Variants in TMPRSS15 observed in about 807,000 individuals in gnomAD.
The protein encoded by TMPRSS15 is enteropeptidase.
In TMPRSS15, 128 loss-of-function variants were observed where a neutral mutation model predicts 125.3. That is an observed-to-expected ratio of 1.02 (90% CI 0.89 to 1.18). The LOEUF (loss-of-function observed/expected upper bound fraction) is 1.18, where lower values mean the gene tolerates loss of function less well. Ranked by LOEUF, TMPRSS15 falls within the 50% of genes most tolerant of loss-of-function variation. The pLI is 0.00. For synonymous variants in TMPRSS15, 446 were observed against 423.2 expected (o/e 1.05, Z -0.66); for missense variants, 1,283 against 1,212.7 (o/e 1.06, Z -0.86).
chr21:18,356,727 C>T (rs1279273412), intron 8 of TMPRSS15, among the ~76,000 whole-genome samples: 1 of 151,758 alleles, frequency 6.6e-6, no homozygotes, highest in Non-Finnish European at 1.5e-5. Flanking sequence ...AATAAAAGCA[C>T]AAAATGTGTT....
chr21:18,484,530 A>T (rs550753826), intron 1 of TMPRSS15, among the ~76,000 whole-genome samples: 8 of 151,842 alleles, frequency 5.3e-5, no homozygotes, highest in South Asian at 2.1e-4. Flanking sequence ...TAAAAAAAAA[A>T]TTTTTATTCA....
Position 18,411,350 on chromosome 21 carries a change from T to C in TMPRSS15, c.11-13021A>G, listed in dbSNP as rs148950413. On this transcript the variant is annotated intron_variant, in intron 1 of 7. Coordinates refer to the TMPRSS15 transcript ENST00000422787. ...GCATTTTGTTAAAACTTTTTTTTTT[T>C]TGAGCTTCAGTTTTCTACTTTAGAG... Among the ~76,000 whole-genome samples the C allele has an allele frequency of 9.0e-3, 1,366 of 152,272 alleles. 27 individuals are homozygous for C. The highest frequency in any genetic ancestry group is 0.032 in the African/African-American group (1,319 of 41,558).
At chr21:18,309,303 C>T (rs979296367) in intron 18 of TMPRSS15, among the ~76,000 whole-genome samples, 22 of 152,116 alleles carry the variant, frequency 1.4e-4, no homozygotes, top group African/African-American at 5.3e-4. Context: ...CCACAAAAAC[C>T]CTAGGAGAAA....
intron 1 of TMPRSS15, among the ~76,000 whole-genome samples, chr21:18,432,001 G>C (rs1408970484): frequency 1.3e-5 from 2 of 152,052 alleles, no homozygotes; most frequent in African/African-American, 4.8e-5. Flanking sequence ...AATATTCAAG[G>C]AATTTTAATA....
chr21:18,456,421 T>C (rs910394878), intron 1 of TMPRSS15, among the ~76,000 whole-genome samples: 1 of 152,174 alleles, frequency 6.6e-6, no homozygotes, highest in Non-Finnish European at 1.5e-5. Flanking sequence ...TTCATGTTAA[T>C]TAAACACATA....
At chr21:18,440,031 C>CAAGG (rs1386209287) in intron 1 of TMPRSS15, among the ~76,000 whole-genome samples, 1 of 152,094 alleles carries the variant, frequency 6.6e-6, no homozygotes, top group Non-Finnish European at 1.5e-5. Context: ...GCAAAATTCT[C>CAAGG]AAGGAAAGTT....
At chr21:18,472,455 T>TTA (rs34604020) in intron 1 of TMPRSS15, among the ~76,000 whole-genome samples, 2,198 of 143,130 alleles carry the variant, frequency 0.015, 36 homozygotes, top group African/African-American at 0.04. Context: ...GCTAAAAGAA[T>TTA]TATATATATA....
At chr21:18,469,978 A>G (rs964930802) in intron 1 of TMPRSS15, among the ~76,000 whole-genome samples, 1 of 152,108 alleles carries the variant, frequency 6.6e-6, no homozygotes, top group Non-Finnish European at 1.5e-5. Context: ...AACCTTTGGT[A>G]AATTTCATAA....
intron 1 of TMPRSS15, among the ~76,000 whole-genome samples, chr21:18,433,811 G>T (rs974668854): frequency 1.3e-5 from 2 of 151,914 alleles, no homozygotes; most frequent in Admixed American, 6.6e-5. Flanking sequence ...ATGTTATGAT[G>T]AGTAGTTTGT....
At chr21:18,370,549 T>C (rs1342373801) in intron 6 of TMPRSS15, among the ~76,000 whole-genome samples, 1 of 152,186 alleles carries the variant, frequency 6.6e-6, no homozygotes, top group Non-Finnish European at 1.5e-5. Context: ...GGAAAATGCC[T>C]GAAAGCCACA....
intron 17 of TMPRSS15, 72 bp from the exon 18 acceptor site, chr21:18,313,149 A>G: frequency 9.7e-7 from 1 of 1,029,098 alleles, no homozygotes; most frequent in Non-Finnish European, 1.5e-6. Context: ...ACATCGTTCA[A>G]AGAGTACAGA....
intron 21 of TMPRSS15, among the ~76,000 whole-genome samples, chr21:18,283,551 AATT>A (rs1315559984): frequency 6.6e-6 from 1 of 151,654 alleles, no homozygotes; most frequent in African/African-American, 2.4e-5. Flanking sequence ...TATGTATATA[AATT>A]ATCTATATAA....
At chr21:18,472,480 T>TATATATATATATATACACAC (rs1491127013) in intron 1 of TMPRSS15, among the ~76,000 whole-genome samples, 4 of 112,330 alleles carry the variant, frequency 3.6e-5, no homozygotes, top group African/African-American at 1.2e-4. Context: ...TATATATATA[T>TATATATATATATATACACAC]ACACACACAC....
upstream of TMPRSS15, among the ~76,000 whole-genome samples, chr21:18,405,333 T>C (rs896462774): frequency 6.6e-6 from 1 of 152,198 alleles, no homozygotes; most frequent in Admixed American, 6.5e-5. Context: ...TAATTATATT[T>C]AGTATCAAGC....
intron 1 of TMPRSS15, among the ~76,000 whole-genome samples, chr21:18,461,472 T>TA (rs201029607): frequency 5.5e-4 from 82 of 150,164 alleles, no homozygotes; most frequent in Non-Finnish European, 6.4e-4. Context: ...AAGCAGGATT[T>TA]AAAAAAAAAA....
intron 1 of TMPRSS15, among the ~76,000 whole-genome samples, chr21:18,416,085 G>A (rs4816768): frequency 0.63 from 96,300 of 151,704 alleles, 31,070 homozygotes; most frequent in Middle Eastern, 0.74. Context: ...AGAAATAAGC[G>A]TGGGGGTGAA....
chr21:18,435,156 A>T (rs1053989341), intron 1 of TMPRSS15, among the ~76,000 whole-genome samples: 3 of 151,990 alleles, frequency 2.0e-5, no homozygotes, highest in Admixed American at 1.3e-4. Context: ...GGCCAGAACT[A>T]CCAACACTAT....
At chr21:18,341,192 G>A (rs891093693) in intron 13 of TMPRSS15, among the ~76,000 whole-genome samples, 1 of 152,084 alleles carries the variant, frequency 6.6e-6, no homozygotes, top group Admixed American at 6.6e-5. Context: ...CTCTCCGGTA[G>A]CTGGGACTAC....
At chr21:18,270,197 CA>C in intron 24 of TMPRSS15, 73 bp from the exon 25 acceptor site, 1 of 1,282,068 alleles carries the variant, frequency 7.8e-7, no homozygotes, top group South Asian at 1.4e-5. Context: ...TTATTTGTAT[CA>C]AATAAATTAA....
Sources: gnomAD v4.1 joint callset for allele counts (sites outside exome capture counted in the v4.1 genomes callset) on GRCh38, gnomAD v4.1.1 for gene constraint, MANE v1.5 for transcripts, NCBI Gene and HGNC (gene_info 2026-07-23, HGNC 2026-07-21) for gene names.